Variants in SGCZ observed in about 807,000 individuals in gnomAD.
SGCZ encodes sarcoglycan zeta.
A neutral mutation model predicts 41.3 loss-of-function variants in SGCZ; 40 were observed. That is an observed-to-expected ratio of 0.97 (90% CI 0.75 to 1.26). SGCZ has a LOEUF of 1.26. Among genes scored for constraint, SGCZ ranks in the 50% most tolerant of loss-of-function variants. SGCZ has a pLI of 0.00. For missense variants in SGCZ, 552 were observed against 369.8 expected, an observed-to-expected ratio of 1.49 and a Z score of -4.04; for synonymous variants, 206 against 137.5, an observed-to-expected ratio of 1.50 and a Z score of -3.49.
intron 1 of SGCZ, among the ~76,000 whole-genome samples, chr8:14,610,104 G>C (rs537261132): frequency 6.6e-6 from 1 of 152,206 alleles, no homozygotes; most frequent in African/African-American, 2.4e-5. Context: ...GAAATCTTTG[G>C]GGAGGCAAAT....
At chr8:14,493,410 A>C (rs112420755) in intron 2 of SGCZ, among the ~76,000 whole-genome samples, 1 of 81,044 alleles carries the variant, frequency 1.2e-5, no homozygotes, top group Non-Finnish European at 2.3e-5. Flanking sequence ...TTGTGTTGCC[A>C]GGCTGGAGTA....
At chr8:14,542,619 G>C (rs541190007) in intron 2 of SGCZ, among the ~76,000 whole-genome samples, 1 of 152,090 alleles carries the variant, frequency 6.6e-6, no homozygotes, top group Non-Finnish European at 1.5e-5. Flanking sequence ...TAAGGAAATA[G>C]ATTGTGGACT....
At chr8:14,491,032 A>T (rs905510394) in intron 2 of SGCZ, among the ~76,000 whole-genome samples, 2 of 152,162 alleles carry the variant, frequency 1.3e-5, no homozygotes, top group Non-Finnish European at 1.5e-5. Context: ...TAAACATTTC[A>T]TTTATTTTGT....
At chr8:15,216,731 C>T (rs1360588445) in intron 1 of SGCZ, among the ~76,000 whole-genome samples, 1 of 151,954 alleles carries the variant, frequency 6.6e-6, no homozygotes, top group African/African-American at 2.4e-5. Context: ...GAAATACAAG[C>T]ATTAAATTTG....
chr8:14,746,412 G>A (rs548124595), intron 1 of SGCZ, among the ~76,000 whole-genome samples: 1 of 152,042 alleles, frequency 6.6e-6, no homozygotes, highest in Non-Finnish European at 1.5e-5. Context: ...ATTGCATTTA[G>A]TAGTAAAAAA....
At chr8:15,148,440 C>A (rs545825514) in intron 1 of SGCZ, among the ~76,000 whole-genome samples, 1 of 152,220 alleles carries the variant, frequency 6.6e-6, no homozygotes, top group East Asian at 1.9e-4. Context: ...AGCTGTGTGA[C>A]CTCCTGGGTA....
At chr8:14,542,797 T>A (rs1049553586) in intron 2 of SGCZ, among the ~76,000 whole-genome samples, 2 of 152,070 alleles carry the variant, frequency 1.3e-5, no homozygotes, top group African/African-American at 4.8e-5. Context: ...GTATTTCATA[T>A]TTTAAAAAAA....
intron 2 of SGCZ, among the ~76,000 whole-genome samples, chr8:14,552,825 A>G (rs1180501024): frequency 6.6e-6 from 1 of 152,092 alleles, no homozygotes; most frequent in East Asian, 1.9e-4. Context: ...TAATTTAAAT[A>G]TGCTTGAAAA....
intron 1 of SGCZ, among the ~76,000 whole-genome samples, chr8:15,046,129 G>A (rs531043306): frequency 5.3e-5 from 8 of 152,080 alleles, no homozygotes; most frequent in Non-Finnish European, 8.8e-5. Flanking sequence ...ATAGTGAACA[G>A]CATTTTTAAT....
chr8:14,802,217 T>C (rs1013365017), intron 1 of SGCZ, among the ~76,000 whole-genome samples: 1 of 152,160 alleles, frequency 6.6e-6, no homozygotes, highest in East Asian at 1.9e-4. Context: ...CTCCTATCCT[T>C]TGCATGGGAA....
intron 1 of SGCZ, among the ~76,000 whole-genome samples, chr8:15,120,475 T>A (rs1180548718): frequency 6.6e-6 from 1 of 152,222 alleles, no homozygotes; most frequent in Non-Finnish European, 1.5e-5. Context: ...CATACCATTA[T>A]CAAAGATGTT....
At chr8:14,642,904 G>A (rs1018386238) in intron 1 of SGCZ, among the ~76,000 whole-genome samples, 2 of 151,402 alleles carry the variant, frequency 1.3e-5, no homozygotes, top group African/African-American at 2.4e-5. Context: ...TAGTACAGAC[G>A]GAAATGTAAG....
chr8:15,018,691 T>C (rs190133937), intron 1 of SGCZ, among the ~76,000 whole-genome samples: 2 of 152,218 alleles, frequency 1.3e-5, no homozygotes, highest in African/African-American at 4.8e-5. Context: ...AGTGACTGAG[T>C]CAGCCTACAA....
chr8:14,184,805 T>A (rs1804850670), intron 4 of SGCZ, among the ~76,000 whole-genome samples: 1 of 152,216 alleles, frequency 6.6e-6, no homozygotes, highest in African/African-American at 2.4e-5. Context: ...TCAGTTTACC[T>A]GATATTACTA....
intron 4 of SGCZ, 135 bp from the exon 5 acceptor site, chr8:14,164,837 G>C: frequency 8.8e-7 from 1 of 1,131,734 alleles, no homozygotes; most frequent in East Asian, 2.6e-5. Context: ...ATCTGAGTTA[G>C]TATCTTTAAA....
At chr8:14,124,106 G>C (rs955457103) in intron 5 of SGCZ, among the ~76,000 whole-genome samples, 6 of 152,128 alleles carry the variant, frequency 3.9e-5, no homozygotes, top group African/African-American at 1.2e-4. Flanking sequence ...AGTGAAAACA[G>C]GTTCAAACTT....
At chr8:14,468,715 AGAAAAACATAAAAATCAGT>A (rs1801124404) in intron 2 of SGCZ, among the ~76,000 whole-genome samples, 2 of 152,212 alleles carry the variant, frequency 1.3e-5, no homozygotes, top group African/African-American at 4.8e-5. Context: ...AAATTTTTAG[AGAAAAACATAAAAATCAGT>A]TTCTCCTAGA....
intron 1 of SGCZ, among the ~76,000 whole-genome samples, chr8:15,009,933 C>G (rs1381336036): frequency 6.6e-6 from 1 of 152,122 alleles, no homozygotes; most frequent in Non-Finnish European, 1.5e-5. Flanking sequence ...CTTCTGCTAT[C>G]TTTCTGTAAC....
intron 5 of SGCZ, among the ~76,000 whole-genome samples, chr8:14,120,151 C>A (rs932676948): frequency 1.3e-5 from 2 of 152,060 alleles, no homozygotes; most frequent in African/African-American, 2.4e-5. Flanking sequence ...TGGAAACCAG[C>A]AATAAAGAAT....
Sources: allele counts gnomAD v4.1 joint callset (sites outside exome capture counted in the v4.1 genomes callset), GRCh38; gene constraint gnomAD v4.1.1; transcripts MANE v1.5; gene names NCBI Gene and HGNC (gene_info 2026-07-23, HGNC 2026-07-21).